HEATR5B: variants seen among roughly 807,000 people sequenced by gnomAD.
The protein encoded by HEATR5B is HEAT repeat-containing protein 5B.
HEATR5B carries 156 observed loss-of-function variants against 224.1 expected under a neutral mutation model. That is an observed-to-expected ratio of 0.70 (90% CI 0.61 to 0.80). HEATR5B has a LOEUF of 0.80. Among genes scored for constraint, HEATR5B ranks in the 30% least tolerant of loss-of-function variants. The probability of loss-of-function intolerance (pLI) is 0.00; values close to 1 mark genes in which losing one functional copy is unlikely to be tolerated. For missense variants in HEATR5B, 2,323 were observed against 2,535.5 expected (o/e 0.92, Z 1.80); for synonymous variants, 1,027 against 893.0 (o/e 1.15, Z -2.68).
At chr2:37,002,636 A>G in intron 31 of HEATR5B, 64 bp from the exon 32 acceptor site, 4 of 1,504,398 alleles carry the variant, frequency 2.7e-6, no homozygotes, top group Non-Finnish European at 2.7e-6. Context: ...CAACACAAGT[A>G]TATTTAGGAA....
chr2:36,992,795 A>T (rs1666421701), intron 33 of HEATR5B, among the ~76,000 whole-genome samples: 1 of 151,764 alleles, frequency 6.6e-6, no homozygotes, highest in Non-Finnish European at 1.5e-5. Context: ...CATGATCATA[A>T]CTCACTGCAG....
chr2:36,986,531 TAAGAG>T (rs1158837916), intron 35 of HEATR5B, among the ~76,000 whole-genome samples: 4 of 152,216 alleles, frequency 2.6e-5, no homozygotes, highest in Admixed American at 6.5e-5. Flanking sequence ...GAAATGTTTT[TAAGAG>T]AAGAGGAAAA....
intron 18 of HEATR5B, among the ~76,000 whole-genome samples, chr2:37,049,449 CGCA>C (rs909913210): frequency 1.2e-4 from 18 of 152,116 alleles, no homozygotes; most frequent in African/African-American, 4.1e-4. Context: ...GCCCTCTCCA[CGCA>C]GAAAGTATCT....
intron 17 of HEATR5B, among the ~76,000 whole-genome samples, chr2:37,050,959 T>C (rs1484759589): frequency 6.6e-6 from 1 of 152,084 alleles, no homozygotes; most frequent in African/African-American, 2.4e-5. Flanking sequence ...GAGAATCACT[T>C]GAATCCGGGA....
chr2:37,073,675 G>T (rs922921987), intron 5 of HEATR5B, among the ~76,000 whole-genome samples: 6 of 152,172 alleles, frequency 3.9e-5, no homozygotes, highest in African/African-American at 1.2e-4. Context: ...TAAATGGAGA[G>T]ATATATCATG....
At chr2:37,013,433 C>A (rs1166076430) in intron 27 of HEATR5B, among the ~76,000 whole-genome samples, 1 of 152,088 alleles carries the variant, frequency 6.6e-6, no homozygotes, top group Non-Finnish European at 1.5e-5. Context: ...GCCTGCAGTC[C>A]CAGCTACGCG....
chr2:37,051,354 C>G (rs962833339), intron 17 of HEATR5B, among the ~76,000 whole-genome samples: 1 of 66,040 alleles, frequency 1.5e-5, no homozygotes, highest in African/African-American at 5.7e-5. Flanking sequence ...AACTCCATCT[C>G]AAAAAAAAAA....
At chr2:37,055,120 G>T in intron 16 of HEATR5B, 1 of 398,080 alleles carries the variant, frequency 2.5e-6, no homozygotes, top group Non-Finnish European at 5.2e-6. Flanking sequence ...ATATTAAGCC[G>T]CACAGCCTGC....
At chr2:37,010,887 G>T (rs1667743043) in intron 27 of HEATR5B, among the ~76,000 whole-genome samples, 1 of 149,286 alleles carries the variant, frequency 6.7e-6, no homozygotes, top group Non-Finnish European at 1.5e-5. Flanking sequence ...CCTTGAATTT[G>T]TTATTGTTCT....
At position 37,032,844 on chromosome 2, in the gene HEATR5B, G is replaced by A. The variant is rs531081003; in HGVS notation, c.3217-71C>T. ...AATTCTTTAATCTTATTTGCCCAAT[G>A]AATATATATATACATACATACATAT... On this transcript the variant is annotated intron_variant, in intron 21 of 35. Coordinates refer to ENST00000233099, the MANE Select transcript of HEATR5B (RefSeq NM_019024.3). 4.0e-5 allele frequency: 50 copies of A among 1,265,178 alleles called. No homozygotes were observed. In the African/African-American group the frequency reaches 7.1e-4, roughly 18 times the overall value. The allele number at this position is 1,265,178 out of a possible 1,614,324, so 78.4% of individuals were successfully genotyped here. A position where few individuals can be genotyped will look rare whatever the true frequency, so the allele number is the denominator to read the frequency against.
intron 19 of HEATR5B, among the ~76,000 whole-genome samples, chr2:37,040,773 TG>T (rs1255966833): frequency 2.0e-5 from 3 of 151,418 alleles, no homozygotes; most frequent in Non-Finnish European, 4.4e-5. Context: ...ATTCAGCCAA[TG>T]ACCCAGGACC....
At chr2:37,019,687 A>T (rs1668347122) in intron 26 of HEATR5B, 122 bp downstream of exon 26, 3 of 631,140 alleles carry the variant, frequency 4.8e-6, no homozygotes, top group Non-Finnish European at 8.3e-6. Context: ...AAACTCCTGA[A>T]TTCAAGCGAT....
At chr2:37,053,295 ATAAACTT>A (rs1292737254) in intron 17 of HEATR5B, among the ~76,000 whole-genome samples, 200 bp downstream of exon 17, 1 of 152,236 alleles carries the variant, frequency 6.6e-6, no homozygotes, top group Non-Finnish European at 1.5e-5. Flanking sequence ...AAATTGAAAC[ATAAACTT>A]TAACAACATT....
At chr2:37,059,174 A>T (rs1426605331) in intron 12 of HEATR5B, among the ~76,000 whole-genome samples, 187 bp from the exon 13 acceptor site, 1 of 151,782 alleles carries the variant, frequency 6.6e-6, no homozygotes, top group African/African-American at 2.4e-5. Context: ...AAAGGCTAGA[A>T]AAAAGGTGGA....
At chr2:37,006,243 C>T (rs1350130427) in intron 29 of HEATR5B, among the ~76,000 whole-genome samples, 1 of 152,152 alleles carries the variant, frequency 6.6e-6, no homozygotes, top group African/African-American at 2.4e-5. Context: ...TTTCACTTAC[C>T]AGATCTACTG....
chr2:37,075,393 C>T, intron 5 of HEATR5B, 92 bp downstream of exon 5: 1 of 927,206 alleles, frequency 1.1e-6, no homozygotes, highest in Non-Finnish European at 1.5e-6. Context: ...GAACACAAAA[C>T]ATAATTTAAA....
At chr2:37,061,909 G>T in intron 11 of HEATR5B, 30 bp downstream of exon 11, 1 of 1,358,888 alleles carries the variant, frequency 7.4e-7, no homozygotes, top group East Asian at 2.3e-5. Flanking sequence ...GTTATAGCGT[G>T]ACAAAAATCC....
Position 37,003,663 on chromosome 2 carries a change from A to C in HEATR5B, c.4929T>G (p.Ser1643Arg). 3.1e-6 allele frequency: 5 copies of C among 1,609,102 alleles called. No individual in the cohort carries two copies. The highest frequency in any genetic ancestry group is 4.2e-6 in the Non-Finnish European group (5 of 1,177,708). Reference protein sequence around the residue: ...EDQLIGVELLSVLHRLLLTWN... With the variant: ...EDQLIGVELLRVLHRLLLTWN... ...AGGTCAATAGAAGGCGGTGCAAAAC[A>C]CTCAGCAACTCAACACCTATCAGCT... The change falls in exon 31 of 36, where the codon AGT (serine) becomes AGG (arginine). Residue 1643 changes from serine to arginine, a missense_variant. Coordinates refer to ENST00000233099, the MANE Select transcript of HEATR5B (RefSeq NM_019024.3).
intron 33 of HEATR5B, among the ~76,000 whole-genome samples, chr2:36,999,675 T>C (rs1037858986): frequency 6.6e-5 from 10 of 150,444 alleles, no homozygotes; most frequent in Non-Finnish European, 1.5e-4. Flanking sequence ...TGAGACCCTG[T>C]CTCAAAAAAA....
Sources: gnomAD v4.1 joint callset for allele counts (sites outside exome capture counted in the v4.1 genomes callset) on GRCh38, gnomAD v4.1.1 for gene constraint, MANE v1.5 for transcripts, NCBI Gene and HGNC (gene_info 2026-07-23, HGNC 2026-07-21) for gene names.